The following XPO5 variants were observed in gnomAD, a reference collection of about 807,000 sequenced individuals.
XPO5 encodes exportin 5.
A neutral mutation model predicts 160.6 loss-of-function variants in XPO5; 46 were observed. The ratio of observed to expected loss-of-function variants is 0.29; its 90% CI spans 0.23 to 0.37. XPO5 has a LOEUF of 0.37. Ranked by LOEUF, XPO5 falls within the 10% of genes least tolerant of loss-of-function variation. The pLI, the probability that XPO5 is intolerant of heterozygous loss-of-function variation, is 1.00. For missense variants in XPO5, 1,090 were observed against 1,463.9 expected, an observed-to-expected ratio of 0.74 and a Z score of 4.17; for synonymous variants, 537 against 519.3, an observed-to-expected ratio of 1.03 and a Z score of -0.46.
chr6:43,555,511 C>G (rs1047557988), intron 13 of XPO5: 1 of 193,248 alleles, frequency 5.2e-6, no homozygotes. Context: ...AAAGTTAGGT[C>G]TACGCATGAA....
intron 20 of XPO5, among the ~76,000 whole-genome samples, chr6:43,539,904 T>C (rs1365570034): frequency 1.3e-5 from 2 of 152,238 alleles, no homozygotes; most frequent in African/African-American, 4.8e-5. Flanking sequence ...CTTGTTGAGT[T>C]AGAATAAGTT....
At position 43,575,987 on chromosome 6, in the gene XPO5, G is replaced by C. The variant is rs1377033148; in HGVS notation, c.-123C>G. On this transcript the variant is annotated 5_prime_UTR_variant, in exon 1 of 32. Coordinates refer to ENST00000265351, the MANE Select transcript of XPO5 (RefSeq NM_020750.3). The stretch of plus-strand genomic sequence containing the variant: ...GGCGGGCGGCGGGGGTGGGAAGCTG[G>C]AGGAGGAGCGTTAGCAGCAACTCGC... The C allele has an allele frequency of 1.1e-6, 1 of 878,086 alleles. No individual in the cohort carries two copies. The highest frequency in any genetic ancestry group is 1.6e-5 in the South Asian group (1 of 63,950). 54.4% of individuals were successfully genotyped at this position (878,086 alleles called of 1,614,324 possible).
At chr6:43,554,130 T>TG (rs1380969106) in intron 13 of XPO5, among the ~76,000 whole-genome samples, 24 of 152,176 alleles carry the variant, frequency 1.6e-4, no homozygotes, top group African/African-American at 5.8e-4. Context: ...TTGTTTGAGA[T>TG]GGAGTCTCCT....
chr6:43,547,683 G>C lies in XPO5; in HGVS notation c.2085C>G (p.Phe695Leu), dbSNP rs530127093. Residue 695 changes from phenylalanine to leucine, a missense_variant, in exon 19 of 32, where the codon TTC (phenylalanine) becomes TTG (leucine). By Grantham distance (22) the Phe-to-Leu change is conservative. Around this residue, in one of 3 missense-constraint regions of XPO5, gnomAD observed 810 missense variants for 1,139.0 expected, o/e 0.71. Transcript: ENST00000265351. ...TCTGATCTGTACCCACATACGCAATGAAAGCATCAACATCTGACAGCACTC... is the reference window on the plus strand; with the variant it reads ...TCTGATCTGTACCCACATACGCAATCAAAGCATCAACATCTGACAGCACTC... Reference protein sequence around the residue: ...MHRVLSDVDAFIAYVGTDQKS... With the variant: ...MHRVLSDVDALIAYVGTDQKS... The C allele has an allele frequency of 6.2e-7, 1 of 1,613,958 alleles. No individual in the cohort carries two copies. Among genetic ancestry groups the C allele is most frequent in the African/African-American group, 1.3e-5 (1 of 75,046 alleles).
chr6:43,553,225 C>T, intron 14 of XPO5, 148 bp downstream of exon 14: 2 of 1,009,562 alleles, frequency 2.0e-6, no homozygotes, highest in South Asian at 1.8e-5. Context: ...TTGCTTGAGC[C>T]CAGGAGTTGG....
intron 11 of XPO5, 119 bp from the exon 12 acceptor site, chr6:43,558,710 T>G: frequency 1.4e-6 from 1 of 721,690 alleles, no homozygotes; most frequent in Non-Finnish European, 2.2e-6. Context: ...GCATGAGATA[T>G]TGTATGGTAA....
intron 9 of XPO5, 96 bp downstream of exon 9, chr6:43,562,148 TAAA>T (rs1268428698): frequency 2.2e-6 from 2 of 892,048 alleles, no homozygotes. Flanking sequence ...CCCATCAGGC[TAAA>T]ATCAATGACA....
At chr6:43,557,405 G>A (rs1306875948) in intron 12 of XPO5, among the ~76,000 whole-genome samples, 1 of 151,680 alleles carries the variant, frequency 6.6e-6, no homozygotes, top group Non-Finnish European at 1.5e-5. Context: ...CAGCCTGGGC[G>A]ACAGAGCGAG....
At chr6:43,568,619 A>G in intron 6 of XPO5, 92 bp downstream of exon 6, 2 of 1,177,232 alleles carry the variant, frequency 1.7e-6, no homozygotes, top group Non-Finnish European at 2.3e-6. Flanking sequence ...AATACAACAC[A>G]AGCAAGGCTG....
chr6:43,525,972 A>G (rs1793560594), intron 27 of XPO5, 51 bp from the exon 28 acceptor site: 1 of 1,596,538 alleles, frequency 6.3e-7, no homozygotes, highest in Admixed American at 1.7e-5. Flanking sequence ...AACAGAGAAG[A>G]ATATCTTGTT....
chr6:43,531,413 C>T, intron 22 of XPO5, 66 bp downstream of exon 22: 2 of 1,459,568 alleles, frequency 1.4e-6, no homozygotes, highest in South Asian at 1.1e-5. Flanking sequence ...AAAGTCCAAC[C>T]CATGGACATT....
intron 2 of XPO5, 72 bp downstream of exon 2, chr6:43,573,408 T>A: frequency 6.3e-7 from 1 of 1,577,768 alleles, no homozygotes; most frequent in South Asian, 1.1e-5. Flanking sequence ...CTAAACAGCA[T>A]CTCTATAGGT....
intron 18 of XPO5, among the ~76,000 whole-genome samples, chr6:43,547,955 C>A (rs879832157): frequency 6.6e-6 from 1 of 152,098 alleles, no homozygotes; most frequent in Admixed American, 6.6e-5. Flanking sequence ...AAAATAATTT[C>A]TCTACTGTGT....
At chr6:43,553,028 T>TAAAAAAAGATAAAA (rs11274964) in intron 14 of XPO5, among the ~76,000 whole-genome samples, 1 of 152,058 alleles carries the variant, frequency 6.6e-6, no homozygotes, top group African/African-American at 2.4e-5. Flanking sequence ...ACTACCAGTT[T>TAAAAAAAGATAAAA]ACTGGCCAGG....
rs1160662301 is a variant in XPO5 at position 43,538,139 on chromosome 6, C to CTTTTTT, written c.2343-4138_2343-4133dup. Among the ~76,000 whole-genome samples, 95 of 48,938 alleles carry CTTTTTT rather than the reference C, an allele frequency of 1.9e-3. 9 individuals carry two copies. Among genetic ancestry groups the CTTTTTT allele is most frequent in the African/African-American group, 6.9e-3 (83 of 12,112 alleles). The allele number at this position is 48,938 out of a possible 152,430, so 32.1% of individuals were successfully genotyped here. A position where few individuals can be genotyped will look rare whatever the true frequency, so the allele number is the denominator to read the frequency against. ...TATAAATTTAGAGCCTAAGAGACAT[C>CTTTTTT]TTTTTTTTTTTTTTTTTTTTTTTTT... On this transcript the variant is annotated intron_variant, in intron 20 of 31. Transcript: ENST00000265351.
At chr6:43,533,777 G>A in intron 21 of XPO5, 130 bp downstream of exon 21, 1 of 539,858 alleles carries the variant, frequency 1.9e-6, no homozygotes, top group Non-Finnish European at 3.1e-6. Flanking sequence ...TGAGCCTACA[G>A]TGAGCTATGG....
At chr6:43,547,792 A>C in intron 18 of XPO5, 85 bp from the exon 19 acceptor site, 1 of 1,226,828 alleles carries the variant, frequency 8.2e-7, no homozygotes, top group South Asian at 1.3e-5. Flanking sequence ...GGCTATCATT[A>C]TTTGGCCCTT....
intron 12 of XPO5, among the ~76,000 whole-genome samples, chr6:43,557,204 A>G (rs1277669781): frequency 6.6e-6 from 1 of 151,048 alleles, no homozygotes. Context: ...AGGCGGGTGG[A>G]TCACGAGGTC....
intron 24 of XPO5, 106 bp downstream of exon 24, chr6:43,528,722 C>T: frequency 9.2e-7 from 1 of 1,082,266 alleles, no homozygotes; most frequent in Non-Finnish European, 1.4e-6. Flanking sequence ...GCCAGTCTGG[C>T]AGGGCTAGTA....
Sources: allele counts gnomAD v4.1 joint callset (sites outside exome capture counted in the v4.1 genomes callset), GRCh38; gene constraint gnomAD v4.1.1; regional missense constraint gnomAD v4.1.1; transcripts MANE v1.5; gene names NCBI Gene and HGNC (gene_info 2026-07-23, HGNC 2026-07-21).